Variants in SMYD2 observed in about 807,000 individuals in gnomAD.
SMYD2 encodes the protein N-lysine methyltransferase SMYD2.
In SMYD2, 53 loss-of-function variants were observed where a neutral mutation model predicts 59.1. The ratio of observed to expected loss-of-function variants is 0.90; its 90% CI spans 0.72 to 1.13. SMYD2 has a LOEUF of 1.13. Among genes scored for constraint, SMYD2 ranks in the 50% most tolerant of loss-of-function variants. The pLI, the probability that SMYD2 is intolerant of heterozygous loss-of-function variation, is 0.00. For missense variants in SMYD2, 494 were observed against 544.7 expected, an observed-to-expected ratio of 0.91 and a Z score of 0.93; for synonymous variants, 208 against 198.8, an observed-to-expected ratio of 1.05 and a Z score of -0.39.
intron 11 of SMYD2, among the ~76,000 whole-genome samples, chr1:214,336,345 A>G (rs1657437045): frequency 6.6e-6 from 1 of 152,178 alleles, no homozygotes; most frequent in African/African-American, 2.4e-5. Context: ...ATCCTGGCTA[A>G]CACAGTGAAA....
At chr1:214,302,079 C>T (rs1262055533) in intron 1 of SMYD2, among the ~76,000 whole-genome samples, 1 of 152,124 alleles carries the variant, frequency 6.6e-6, no homozygotes, top group African/African-American at 2.4e-5. Context: ...CGGTATCTCA[C>T]GTCTGTAATC....
chr1:214,313,036 C>G (rs567977341), intron 2 of SMYD2, among the ~76,000 whole-genome samples: 17 of 152,298 alleles, frequency 1.1e-4, no homozygotes, highest in African/African-American at 3.9e-4. Flanking sequence ...CAGGCAGAGA[C>G]AGAGGATTTG....
chr1:214,305,278 G>T, intron 2 of SMYD2, 28 bp downstream of exon 2: 2 of 1,606,554 alleles, frequency 1.2e-6, no homozygotes, highest in Non-Finnish European at 1.7e-6. Context: ...GGCAGGGAGG[G>T]CCTAATTTCC....
At chr1:214,290,626 A>G (rs573928344) in intron 1 of SMYD2, among the ~76,000 whole-genome samples, 3 of 152,234 alleles carry the variant, frequency 2.0e-5, no homozygotes, top group Admixed American at 2.0e-4. Context: ...GGAGGAGAGG[A>G]GAAACAAGGA....
intron 6 of SMYD2, among the ~76,000 whole-genome samples, chr1:214,325,806 C>G (rs1489838628): frequency 4.1e-5 from 6 of 144,968 alleles, no homozygotes; most frequent in African/African-American, 1.5e-4. Context: ...TAACTTTGGC[C>G]CCTGGGAAAA....
At chr1:214,328,865 T>A (rs1286309000) in intron 7 of SMYD2, among the ~76,000 whole-genome samples, 2 of 152,188 alleles carry the variant, frequency 1.3e-5, no homozygotes, top group Non-Finnish European at 2.9e-5. Context: ...TCTGAAGCCT[T>A]TCTTGAAACA....
At chr1:214,306,150 G>A (rs12726700) in intron 2 of SMYD2, among the ~76,000 whole-genome samples, 16,042 of 152,092 alleles carry the variant, frequency 0.11, 1,088 homozygotes, top group Middle Eastern at 0.2. Context: ...GGCTCTACGG[G>A]ACAGGGAAGA....
chr1:214,281,765 A>T (rs1016921960), intron 1 of SMYD2, among the ~76,000 whole-genome samples: 11 of 152,202 alleles, frequency 7.2e-5, no homozygotes, highest in Non-Finnish European at 1.5e-4. Context: ...CTGGGCACTC[A>T]CTGCCCTCCC....
chr1:214,329,397 T>C (rs759199132), intron 7 of SMYD2, among the ~76,000 whole-genome samples: 4 of 152,018 alleles, frequency 2.6e-5, no homozygotes, highest in Non-Finnish European at 5.9e-5. Context: ...ATTTGCCTGA[T>C]TGTGTGGGAT....
Position 214,336,857 on chromosome 1 carries a change from G to A in SMYD2, c.*73G>A, listed in dbSNP as rs886981316. On this transcript the variant is annotated 3_prime_UTR_variant, in exon 12 of 12. Coordinates refer to ENST00000366957, the MANE Select transcript of SMYD2 (RefSeq NM_020197.3). The stretch of plus-strand genomic sequence containing the variant: ...TTAAAGGATTTGAATATTTCAAATT[G>A]CACACGTCACTCCAGCATCTCTGTA... 2 of 1,282,686 alleles carry A rather than the reference G, an allele frequency of 1.6e-6. No individual in the cohort carries two copies. Among genetic ancestry groups the A allele is most frequent in the Admixed American group, 3.8e-5 (2 of 52,460 alleles). The allele number at this position is 1,282,686 out of a possible 1,614,324, so 79.5% of individuals were successfully genotyped here.
At chr1:214,304,174 C>A (rs1656877575) in intron 1 of SMYD2, among the ~76,000 whole-genome samples, 1 of 152,052 alleles carries the variant, frequency 6.6e-6, no homozygotes, top group Admixed American at 6.5e-5. Flanking sequence ...GTTGAATCGA[C>A]CCCATTATGA....
In SMYD2 at chr1:214,312,677, C is replaced by T. The variant is rs147135923; in HGVS notation, c.238-2085C>T. Among the ~76,000 whole-genome samples the T allele has an allele frequency of 3.0e-3, 450 of 152,236 alleles. 1 individual carries two copies. The highest frequency in any genetic ancestry group is 0.01 in the African/African-American group (436 of 41,540). On this transcript the variant is annotated intron_variant, in intron 2 of 11. Coordinates refer to ENST00000366957, the MANE Select transcript of SMYD2 (RefSeq NM_020197.3). The surrounding 1 kb of genome is among the most constrained non-coding windows in gnomAD (Gnocchi z 4.1). ...CTTGAGGCAGGTACATGGCTCCAGG[C>T]GCAGCCAGGACACTTCTGTGGCTAA...
In SMYD2 at chr1:214,324,698, A is replaced by G. The variant is rs781752596; in HGVS notation, c.592A>G (p.Ile198Val). 19 of 1,613,088 alleles carry G rather than the reference A, an allele frequency of 1.2e-5. No homozygotes were observed. The highest frequency in any genetic ancestry group is 2.2e-5 in the South Asian group (2 of 90,764). Reference protein sequence around the residue: ...DEELSHLGSAIFPDVALMNHS... With the variant: ...DEELSHLGSAVFPDVALMNHS... ...AGAACTTTCTCATTTGGGATCAGCG[A>G]TATTTCCTGAGTAGGCTGTGTTTGA... The change falls in exon 6 of 12, where the codon ATA becomes GTA. Residue 198 changes from isoleucine (I) to valine (V), a missense_variant. Ile to Val is a conservative substitution (Grantham distance 29). Transcript: ENST00000366957.
intron 2 of SMYD2, among the ~76,000 whole-genome samples, chr1:214,306,069 C>T (rs946653987): frequency 1.3e-5 from 2 of 152,116 alleles, no homozygotes; most frequent in African/African-American, 4.8e-5. Context: ...TCTCTCTGGA[C>T]ACCCCGTGGC....
intron 2 of SMYD2, 150 bp downstream of exon 2, chr1:214,305,400 C>T: frequency 1.3e-6 from 1 of 742,680 alleles, no homozygotes; most frequent in Non-Finnish European, 2.3e-6. Flanking sequence ...ACCCCGACCT[C>T]ACAGGCGGCC....
chr1:214,296,791 G>C (rs1210461677), intron 1 of SMYD2, among the ~76,000 whole-genome samples: 1 of 151,914 alleles, frequency 6.6e-6, no homozygotes, highest in Non-Finnish European at 1.5e-5. Flanking sequence ...TTGAGAGAGG[G>C]AAGTGGGAAG....
Position 214,281,251 on chromosome 1 carries a change from C to T in SMYD2, c.-4C>T. ...ACAGCCGGCGGCCGCGCCCCGCCGC[C>T]ACCATGAGGGCCGAGGGCCTCGGCG... On this transcript the variant is annotated 5_prime_UTR_variant, in exon 1 of 12. Coordinates refer to ENST00000366957, the MANE Select transcript of SMYD2 (RefSeq NM_020197.3). The T allele has an allele frequency of 1.6e-6, 2 of 1,240,000 alleles. No homozygotes were observed. The highest frequency in any genetic ancestry group is 1.6e-5 in the African/African-American group (1 of 64,004). The allele number at this position is 1,240,000 out of a possible 1,614,324, so 76.8% of individuals were successfully genotyped here.
Position 214,323,179 on chromosome 1 carries a change from A to C in SMYD2, c.535-1462A>C, listed in dbSNP as rs767447010. The stretch of plus-strand genomic sequence containing the variant: ...CTTCCAGTGCTGAAATTTTAGAGAC[A>C]TGAAGATCACCTACCGAATTGTCTC... On this transcript the variant is annotated intron_variant, in intron 5 of 11. Coordinates refer to ENST00000366957, the MANE Select transcript of SMYD2 (RefSeq NM_020197.3). Among the ~76,000 whole-genome samples the C allele has an allele frequency of 1.2e-4, 18 of 152,312 alleles. 1 individual carries two copies. In the South Asian group the frequency reaches 3.7e-3, roughly 32 times the overall value.
intron 5 of SMYD2, among the ~76,000 whole-genome samples, chr1:214,322,070 G>T (rs1478821749): frequency 6.6e-6 from 1 of 152,102 alleles, no homozygotes; most frequent in Non-Finnish European, 1.5e-5. Context: ...GCAGAGGAGG[G>T]ACTGAAAAAG....
Sources: allele counts gnomAD v4.1 joint callset (sites outside exome capture counted in the v4.1 genomes callset), GRCh38; gene constraint gnomAD v4.1.1; non-coding constraint Gnocchi (gnomAD v3.1); transcripts MANE v1.5; gene names NCBI Gene and HGNC (gene_info 2026-07-23, HGNC 2026-07-21).